The following MPP3 variants were observed in gnomAD, a reference collection of about 807,000 sequenced individuals.
MPP3 encodes MAGUK p55 subfamily member 3.
In MPP3, 48 loss-of-function variants were observed where a neutral mutation model predicts 80.7. The observed-to-expected ratio is 0.59, with a 90% CI of 0.47 to 0.76. MPP3 has a LOEUF of 0.76. Ranked by LOEUF, MPP3 falls within the 30% of genes least tolerant of loss-of-function variation. The pLI is 0.00. For synonymous variants in MPP3, 311 were observed against 297.6 expected (o/e 1.04, Z -0.46); for missense variants, 620 against 763.0 (o/e 0.81, Z 2.21).
chr17:43,831,188 G>T (rs140887004), intron 5 of MPP3, 56 bp downstream of exon 5: 11 of 1,521,518 alleles, frequency 7.2e-6, no homozygotes, highest in Middle Eastern at 1.7e-4. Context: ...CAAGATGAAG[G>T]AGCCCTACAG....
At chr17:43,804,146 CCT>C (rs1342900910) in intron 19 of MPP3, among the ~76,000 whole-genome samples, 1 of 152,156 alleles carries the variant, frequency 6.6e-6, no homozygotes, top group African/African-American at 2.4e-5. Context: ...GCCATTTCCC[CCT>C]GCTTATTCAA....
intron 8 of MPP3, among the ~76,000 whole-genome samples, chr17:43,826,832 T>TATATATATATATATATA (rs1567824060): frequency 6.9e-4 from 76 of 110,728 alleles, no homozygotes; most frequent in African/African-American, 2.6e-3. Flanking sequence ...ATATATATAT[T>TATATATATATATATATA]TTTTTTTTTT....
At chr17:43,814,484 A>G in intron 14 of MPP3, 123 bp from the exon 15 acceptor site, 1 of 896,946 alleles carries the variant, frequency 1.1e-6, no homozygotes, top group East Asian at 2.7e-5. Context: ...ACTTCTCCCA[A>G]CCTCCTCCTG....
At chr17:43,815,159 C>T (rs542721822) in intron 14 of MPP3, among the ~76,000 whole-genome samples, 26 of 152,210 alleles carry the variant, frequency 1.7e-4, no homozygotes, top group African/African-American at 6.0e-4. Context: ...TGGTGAAACC[C>T]TGTCTCTACA....
At chr17:43,832,909 AGCGGGGGGCGCGCGGCGGG>A (rs2046041120) in intron 1 of MPP3, 90 bp from the exon 2 acceptor site, 1 of 152,002 alleles carries the variant, frequency 6.6e-6, no homozygotes, top group South Asian at 1.9e-4. Flanking sequence ...AGCAGCAGGG[AGCGGGGGGCGCGCGGCGGG>A]GCGGGCGCGG....
At position 43,801,676 on chromosome 17, in the gene MPP3, C is replaced by A. The variant is rs746257672; in HGVS notation, c.*25G>T. On this transcript the variant is annotated 3_prime_UTR_variant, in exon 20 of 20. Coordinates refer to ENST00000398389, the MANE Select transcript of MPP3 (RefSeq NM_001932.6). ...GACTAGATGATCTTCAAGGTCCCGT[C>A]CAGCTTGGATGTTCTGGGATAAAGT... The A allele has an allele frequency of 6.2e-7, 1 of 1,612,276 alleles. No homozygotes were observed. Among genetic ancestry groups the A allele is most frequent in the Non-Finnish European group, 8.5e-7 (1 of 1,178,536 alleles).
chr17:43,831,530 C>A lies in MPP3; in HGVS notation c.144+29G>T, dbSNP rs758132843. The A allele has an allele frequency of 2.6e-5, 40 of 1,533,268 alleles. No individual in the cohort carries two copies. In the Admixed American group the frequency reaches 3.9e-4, roughly 15 times the overall value. 95.0% of individuals were successfully genotyped at this position (1,533,268 alleles called of 1,614,324 possible). A position where few individuals can be genotyped will look rare whatever the true frequency, so the allele number is the denominator to read the frequency against. On this transcript the variant is annotated intron_variant, in intron 4 of 19. Transcript: ENST00000398389. ...ACAGCTAGAAAGACCTCTAGACACCCTTCCACGCAGGATGACGTGGGACTT... is the reference window on the plus strand; with the variant it reads ...ACAGCTAGAAAGACCTCTAGACACCATTCCACGCAGGATGACGTGGGACTT...
At chr17:43,807,397 G>A (rs2044665262) in intron 19 of MPP3, among the ~76,000 whole-genome samples, 1 of 149,612 alleles carries the variant, frequency 6.7e-6, no homozygotes, top group Non-Finnish European at 1.5e-5. Flanking sequence ...CTGCAGCCTT[G>A]ACCTATTAGG....
Position 43,820,995 on chromosome 17 carries a change from C to T in MPP3, c.748G>A (p.Ala250Thr), listed in dbSNP as rs1414104115. 4.3e-6 allele frequency: 7 copies of T among 1,614,060 alleles called. No homozygotes were observed. In the East Asian group the frequency reaches 1.6e-4, roughly 36 times the overall value. The change falls in exon 11 of 20, where the codon GCG (alanine) becomes ACG (threonine). Residue 250 changes from alanine to threonine, a missense_variant. Coordinates refer to ENST00000398389, the MANE Select transcript of MPP3 (RefSeq NM_001932.6). ...REDRAIPCQE[A>T]GLPFQRRQVL... ...TGCCTGCGCTGGAAGGGCAGGCCCG[C>T]CTCCTGGCAAGGGATGGCCCGGTCC... is the stretch of plus-strand genomic sequence containing the variant.
intron 10 of MPP3, among the ~76,000 whole-genome samples, chr17:43,822,953 G>A (rs1306618970): frequency 6.6e-6 from 1 of 152,146 alleles, no homozygotes; most frequent in Non-Finnish European, 1.5e-5. Context: ...GGGCCCCTGG[G>A]TGGGATGATG....
chr17:43,814,458 G>C (rs2045019110), intron 14 of MPP3, 97 bp from the exon 15 acceptor site: 1 of 1,313,416 alleles, frequency 7.6e-7, no homozygotes, highest in Non-Finnish European at 1.0e-6. Context: ...CCTGGAGATG[G>C]GACTGAGTCC....
intron 7 of MPP3, 118 bp from the exon 8 acceptor site, chr17:43,827,950 T>C (rs2143118981): frequency 2.2e-6 from 2 of 899,670 alleles, no homozygotes; most frequent in South Asian, 2.7e-5. Context: ...GAGAGATCAG[T>C]GGGGACCTTC....
At chr17:43,826,830 A>ATATAT (rs1310143147) in intron 8 of MPP3, among the ~76,000 whole-genome samples, 41 of 137,670 alleles carry the variant, frequency 3.0e-4, no homozygotes, top group African/African-American at 1.1e-3. Context: ...ATATATATAT[A>ATATAT]TTTTTTTTTT....
Position 43,811,214 on chromosome 17 carries a change from G to A in MPP3, c.1256-9C>T. Reference sequence around the variant, plus strand: ...TCGGGGCCTGGTGGTATCTTTTAAAGAAAGAAGGAAAGCTGGGCAAAGAGA... The same window carrying A: ...TCGGGGCCTGGTGGTATCTTTTAAAAAAAGAAGGAAAGCTGGGCAAAGAGA... On this transcript the variant is annotated splice_polypyrimidine_tract_variant and intron_variant, in intron 16 of 19. Transcript: ENST00000398389. 6.2e-7 allele frequency: 1 copy of A among 1,607,088 alleles called. No individual in the cohort carries two copies. Among genetic ancestry groups the A allele is most frequent in the Non-Finnish European group, 8.5e-7 (1 of 1,173,802 alleles).
intron 4 of MPP3, 40 bp from the exon 5 acceptor site, chr17:43,831,361 C>T (rs543484205): frequency 1.3e-6 from 2 of 1,592,128 alleles, no homozygotes; most frequent in South Asian, 2.2e-5. Context: ...CTGGACACCA[C>T]ACATCCCACC....
intron 19 of MPP3, among the ~76,000 whole-genome samples, chr17:43,803,524 G>A (rs894236010): frequency 1.3e-5 from 2 of 152,176 alleles, no homozygotes; most frequent in Non-Finnish European, 2.9e-5. Flanking sequence ...GGTTGGATCA[G>A]CTTTGCCGGG....
At chr17:43,807,802 T>G (rs768219614) in intron 19 of MPP3, among the ~76,000 whole-genome samples, 1 of 151,348 alleles carries the variant, frequency 6.6e-6, no homozygotes, top group South Asian at 2.1e-4. Context: ...TAAAAAAATT[T>G]TTTTTAATTG....
chr17:43,826,830 AT>A (rs1183945469), intron 8 of MPP3, among the ~76,000 whole-genome samples: 11,523 of 137,530 alleles, frequency 0.084, 745 homozygotes, highest in African/African-American at 0.2. Context: ...ATATATATAT[AT>A]TTTTTTTTTT....
chr17:43,812,430 T>C (rs2044907031), intron 16 of MPP3, among the ~76,000 whole-genome samples: 1 of 152,192 alleles, frequency 6.6e-6, no homozygotes, highest in African/African-American at 2.4e-5. Flanking sequence ...CTAAACACCC[T>C]AGCTGAGTAT....
Sources: gnomAD v4.1 joint callset for allele counts (sites outside exome capture counted in the v4.1 genomes callset) on GRCh38, gnomAD v4.1.1 for gene constraint, MANE v1.5 for transcripts, NCBI Gene and HGNC (gene_info 2026-07-23, HGNC 2026-07-21) for gene names.